The following TAFA1 variants were observed in gnomAD, a reference collection of about 807,000 sequenced individuals.
TAFA1 encodes the protein chemokine-like protein TAFA-1.
A neutral mutation model predicts 18.5 loss-of-function variants in TAFA1; 4 were observed. The ratio of observed to expected loss-of-function variants is 0.22; its 90% confidence interval spans 0.11 to 0.49. The LOEUF is 0.49. TAFA1 is among the 20% of genes least tolerant of loss of function. TAFA1 has a pLI of 0.98. For synonymous variants in TAFA1, 56 were observed against 55.2 expected, an observed-to-expected ratio of 1.01 and a Z score of -0.06; for missense variants, 147 against 169.0, an observed-to-expected ratio of 0.87 and a Z score of 0.72.
rs561758038 is a variant in TAFA1 at position 68,137,149 on chromosome 3, A to G, written c.118+130405A>G. Reference sequence around the variant, plus strand: ...AAAATCTCTCTCCTGTTGTCATGGAATAAGTTAAGAGACTCCTCTAAACAG... The same window carrying G: ...AAAATCTCTCTCCTGTTGTCATGGAGTAAGTTAAGAGACTCCTCTAAACAG... On this transcript the variant is annotated intron_variant, in intron 2 of 4. Transcript: ENST00000478136. Among the ~76,000 whole-genome samples, 12 of 152,328 alleles carry G rather than the reference A, an allele frequency of 7.9e-5. 1 individual carries two copies. The South Asian group carries it at 2.5e-3, about 32-fold the overall frequency.
intron 3 of TAFA1, among the ~76,000 whole-genome samples, chr3:68,455,060 A>G (rs2071634919): frequency 6.6e-6 from 1 of 152,200 alleles, no homozygotes; most frequent in South Asian, 2.1e-4. Context: ...TATGTATATT[A>G]TACACTGTTT....
chr3:68,538,173 A>G lies in TAFA1; in HGVS notation c.260-583A>G, dbSNP rs2073307605. Among the ~76,000 whole-genome samples, 3 of 152,146 alleles carry G rather than the reference A, an allele frequency of 2.0e-5. No homozygotes were observed. In the South Asian group the frequency reaches 6.2e-4, roughly 32 times the overall value. On this transcript the variant is annotated intron_variant, in intron 3 of 4. Transcript: ENST00000478136. ...GAATGCAAAAGTCTGAAAAAATCTC[A>G]GTCAATTTTCAGTTCTACAATAGTG...
chr3:68,210,072 A>G (rs1283538902), intron 2 of TAFA1, among the ~76,000 whole-genome samples: 1 of 151,980 alleles, frequency 6.6e-6, no homozygotes, highest in Non-Finnish European at 1.5e-5. Flanking sequence ...AGAAAGAGAA[A>G]AGGAGAAAAT....
At chr3:68,418,956 G>A (rs2070899701) in intron 3 of TAFA1, among the ~76,000 whole-genome samples, 2 of 152,144 alleles carry the variant, frequency 1.3e-5, no homozygotes, top group Admixed American at 1.3e-4. Context: ...TTCTGGCTTA[G>A]AGTATCTCAT....
Position 68,399,017 on chromosome 3 carries a change from G to T in TAFA1, c.119-18263G>T, listed in dbSNP as rs138319429. Among the ~76,000 whole-genome samples, 684 of 152,136 alleles carry T rather than the reference G, an allele frequency of 4.5e-3. 20 individuals are homozygous for T. The highest frequency in any genetic ancestry group is 0.04 in the Admixed American group (606 of 15,270). On this transcript the variant is annotated intron_variant, in intron 2 of 4. Coordinates refer to ENST00000478136, the MANE Select transcript of TAFA1 (RefSeq NM_213609.4). ...CACATTGCTTCTACATTGATCAAAT[G>T]ACAATTAATCAATATTTTTTGGCCA...
At chr3:68,084,514 C>G (rs1575608216) in intron 2 of TAFA1, among the ~76,000 whole-genome samples, 1 of 152,088 alleles carries the variant, frequency 6.6e-6, no homozygotes, top group Non-Finnish European at 1.5e-5. Flanking sequence ...AAATTAGTCC[C>G]CGGCTGGACA....
intron 2 of TAFA1, among the ~76,000 whole-genome samples, chr3:68,039,849 T>C (rs1244035859): frequency 6.6e-6 from 1 of 152,148 alleles, no homozygotes; most frequent in Non-Finnish European, 1.5e-5. Context: ...GTGAAGGACA[T>C]ACCTCAGAGA....
intron 1 of TAFA1, among the ~76,000 whole-genome samples, chr3:68,005,672 A>G (rs746532690): frequency 7.2e-5 from 11 of 152,262 alleles, no homozygotes; most frequent in Non-Finnish European, 1.5e-4. Flanking sequence ...TCTGCCTAAC[A>G]GAAAAGCATA....
At chr3:68,346,044 C>T (rs2069159515) in intron 2 of TAFA1, among the ~76,000 whole-genome samples, 1 of 152,142 alleles carries the variant, frequency 6.6e-6, no homozygotes, top group Non-Finnish European at 1.5e-5. Flanking sequence ...CTTGGGACCT[C>T]ACTAGCTGCA....
At chr3:68,012,962 A>G (rs1704501487) in intron 2 of TAFA1, among the ~76,000 whole-genome samples, 1 of 152,174 alleles carries the variant, frequency 6.6e-6, no homozygotes, top group Non-Finnish European at 1.5e-5. Context: ...TAAGTATATG[A>G]AAGTTCTGGA....
At chr3:68,380,050 G>C (rs1363217212) in intron 2 of TAFA1, among the ~76,000 whole-genome samples, 2 of 151,960 alleles carry the variant, frequency 1.3e-5, no homozygotes, top group African/African-American at 2.4e-5. Context: ...AGTTTGTTGA[G>C]AATGATGGTT....
At chr3:68,132,778 C>T (rs1282831808) in intron 2 of TAFA1, among the ~76,000 whole-genome samples, 1 of 152,026 alleles carries the variant, frequency 6.6e-6, no homozygotes, top group Non-Finnish European at 1.5e-5. Flanking sequence ...GGATATTAGC[C>T]CTTTTTCTGA....
intron 3 of TAFA1, among the ~76,000 whole-genome samples, chr3:68,479,062 C>G (rs1252443013): frequency 6.6e-6 from 1 of 150,472 alleles, no homozygotes; most frequent in East Asian, 2.0e-4. Flanking sequence ...GAAACCCCAT[C>G]TCTACTAAAA....
chr3:68,324,043 CATCTCCAAATT>C (rs2106712809), intron 2 of TAFA1, among the ~76,000 whole-genome samples: 1 of 152,316 alleles, frequency 6.6e-6, no homozygotes, highest in South Asian at 2.1e-4. Context: ...GAGCCTCCAC[CATCTCCAAATT>C]GTAGTATATG....
intron 2 of TAFA1, among the ~76,000 whole-genome samples, chr3:68,093,187 C>G (rs952472573): frequency 5.9e-5 from 9 of 152,068 alleles, no homozygotes. Context: ...TACCTGGGCT[C>G]TTCTTGGCCT....
At chr3:68,253,628 T>C (rs1202571894) in intron 2 of TAFA1, among the ~76,000 whole-genome samples, 1 of 152,158 alleles carries the variant, frequency 6.6e-6, no homozygotes, top group African/African-American at 2.4e-5. Flanking sequence ...GCATGGCAGG[T>C]GATGATTGGG....
chr3:68,161,460 A>G (rs530167147), intron 2 of TAFA1, among the ~76,000 whole-genome samples: 1 of 152,318 alleles, frequency 6.6e-6, no homozygotes, highest in East Asian at 1.9e-4. Context: ...CTCGATTAGA[A>G]ACTCTAGGGC....
In TAFA1 at chr3:68,329,216, C is replaced by CTTT. The variant is rs10681423; in HGVS notation, c.119-88043_119-88041dup. ...GGTGTGCACAACCATGCCTGGCTGC[C>CTTT]TTTTTTTTTTTTTTTTTTTTTTTGT... On this transcript the variant is annotated intron_variant, in intron 2 of 4. Transcript: ENST00000478136. Among the ~76,000 whole-genome samples the CTTT allele has an allele frequency of 4.9e-3, 436 of 88,982 alleles. 5 individuals carry two copies. The highest frequency in any genetic ancestry group is 1.0e-2 in the African/African-American group (222 of 22,228). The allele number at this position is 88,982 out of a possible 152,430, so 58.4% of individuals were successfully genotyped here. A position where few individuals can be genotyped will look rare whatever the true frequency, so the allele number is the denominator to read the frequency against.
chr3:68,064,565 A>T (rs1043698433), intron 2 of TAFA1, among the ~76,000 whole-genome samples: 12 of 152,324 alleles, frequency 7.9e-5, no homozygotes, highest in Middle Eastern at 3.4e-3. Flanking sequence ...AACATAAATT[A>T]TGACCTAATT....
Sources: allele counts gnomAD v4.1 joint callset (sites outside exome capture counted in the v4.1 genomes callset), GRCh38; gene constraint gnomAD v4.1.1; transcripts MANE v1.5; gene names NCBI Gene and HGNC (gene_info 2026-07-23, HGNC 2026-07-21).